Variants in FRMD6 observed in about 807,000 individuals in gnomAD.
FRMD6 encodes FERM domain containing 6.
FRMD6 carries 37 observed loss-of-function variants against 73.2 expected under a neutral mutation model. The observed-to-expected ratio is 0.51, with a 90% confidence interval of 0.39 to 0.66. The LOEUF (loss-of-function observed/expected upper bound fraction) is 0.66, where lower values mean the gene tolerates loss of function less well. Ranked by LOEUF, FRMD6 falls within the 30% of genes least tolerant of loss-of-function variation. The pLI, the probability that FRMD6 is intolerant of heterozygous loss-of-function variation, is 0.00. For synonymous variants in FRMD6, 273 were observed against 282.2 expected (o/e 0.97, Z 0.33); for missense variants, 714 against 780.5 (o/e 0.91, Z 1.02).
At chr14:51,707,449 A>G (rs1270593743) in intron 6 of FRMD6, among the ~76,000 whole-genome samples, 3 of 152,172 alleles carry the variant, frequency 2.0e-5, no homozygotes, top group Non-Finnish European at 4.4e-5. Flanking sequence ...TGGATACTAT[A>G]TATTTGACAT....
chr14:51,434,255 T>A, the FRMD6 span, among the ~76,000 whole-genome samples: 1 of 152,156 alleles, frequency 6.6e-6, no homozygotes, highest in Admixed American at 6.5e-5. Flanking sequence ...CTATACCTCA[T>A]GACATCCCAG....
At chr14:51,603,124 G>T (rs1890104728) in intron 2 of FRMD6, among the ~76,000 whole-genome samples, 1 of 152,164 alleles carries the variant, frequency 6.6e-6, no homozygotes, top group African/African-American at 2.4e-5. Flanking sequence ...ACCACATGTG[G>T]ATACAGCAAG....
the FRMD6 span, among the ~76,000 whole-genome samples, chr14:51,440,877 A>G: frequency 6.6e-6 from 1 of 152,256 alleles, no homozygotes; most frequent in Non-Finnish European, 1.5e-5. Flanking sequence ...CATTAAGGCT[A>G]AGAAAAGTTA....
chr14:51,506,990 T>C (rs1884000975), intron 1 of FRMD6, among the ~76,000 whole-genome samples: 2 of 152,140 alleles, frequency 1.3e-5, no homozygotes, highest in South Asian at 4.1e-4. Flanking sequence ...GGAATGTGTA[T>C]TATAATGTTA....
chr14:51,464,375 C>T, the FRMD6 span, among the ~76,000 whole-genome samples: 2 of 149,134 alleles, frequency 1.3e-5, no homozygotes, highest in African/African-American at 2.5e-5. Flanking sequence ...GCACAGGTAC[C>T]CCTGAACTTA....
intron 1 of FRMD6, among the ~76,000 whole-genome samples, chr14:51,557,222 C>T (rs1887182580): frequency 6.7e-6 from 1 of 149,928 alleles, no homozygotes; most frequent in Admixed American, 6.7e-5. Context: ...CCTAGGTGTC[C>T]ATCAATGGAT....
chr14:51,648,479 T>C (rs1594651881), upstream of FRMD6, among the ~76,000 whole-genome samples: 1 of 152,232 alleles, frequency 6.6e-6, no homozygotes, highest in Non-Finnish European at 1.5e-5. Flanking sequence ...ATTATATGCC[T>C]GAGACACAGG....
At chr14:51,443,057 A>T in the FRMD6 span, among the ~76,000 whole-genome samples, 41 of 152,164 alleles carry the variant, frequency 2.7e-4, no homozygotes, top group African/African-American at 9.6e-4. Flanking sequence ...ATGGGGAAAA[A>T]CCCTGCAGGA....
the FRMD6 span, among the ~76,000 whole-genome samples, chr14:51,412,197 T>C: frequency 1.3e-5 from 2 of 152,204 alleles, no homozygotes; most frequent in Non-Finnish European, 2.9e-5. Context: ...TTTAAATATA[T>C]ATTTTTGATA....
intron 7 of FRMD6, 199 bp downstream of exon 7, chr14:51,708,432 C>A (rs527733588): frequency 2.3e-5 from 12 of 514,378 alleles, no homozygotes; most frequent in African/African-American, 1.5e-4. Context: ...GGCCTGGAAG[C>A]GGGGTGGAGT....
At chr14:51,456,204 A>C in the FRMD6 span, among the ~76,000 whole-genome samples, 1 of 152,054 alleles carries the variant, frequency 6.6e-6, no homozygotes, top group African/African-American at 2.4e-5. Context: ...CAGAACTTGC[A>C]ACATTGTTAC....
At chr14:51,618,679 G>A (rs12147618) in intron 2 of FRMD6, among the ~76,000 whole-genome samples, 5,292 of 152,196 alleles carry the variant, frequency 0.035, 105 homozygotes, top group African/African-American at 0.051. Flanking sequence ...CCAGCCTCAG[G>A]GGTTGGGTAG....
At chr14:51,401,909 G>C in the FRMD6 span, among the ~76,000 whole-genome samples, 1 of 152,318 alleles carries the variant, frequency 6.6e-6, no homozygotes, top group East Asian at 1.9e-4. Context: ...AGGCCGTGGA[G>C]GGAGTGCTGA....
Position 51,715,031 on chromosome 14 carries a change from G to A in FRMD6, c.850-294G>A, listed in dbSNP as rs551110142. On this transcript the variant is annotated intron_variant, in intron 9 of 13. Transcript: ENST00000344768. The stretch of plus-strand genomic sequence containing the variant: ...CTTTTATGATGGACCCTTCTCTTCT[G>A]CATTATACAAATAACCTGACCAGCC... The A allele has an allele frequency of 4.3e-5, 9 of 210,592 alleles. No homozygotes were observed. In the East Asian group the frequency reaches 8.5e-4, roughly 20 times the overall value. 13.0% of individuals were successfully genotyped at this position (210,592 alleles called of 1,614,324 possible). A position where few individuals can be genotyped will look rare whatever the true frequency, so the allele number is the denominator to read the frequency against.
intron 2 of FRMD6, among the ~76,000 whole-genome samples, chr14:51,578,018 A>G (rs758454954): frequency 6.6e-6 from 1 of 152,094 alleles, no homozygotes; most frequent in Non-Finnish European, 1.5e-5. Context: ...AAACACTCCT[A>G]ATAGCTCCTG....
chr14:51,459,024 A>T, the FRMD6 span, among the ~76,000 whole-genome samples: 3 of 152,216 alleles, frequency 2.0e-5, no homozygotes, highest in African/African-American at 7.2e-5. Flanking sequence ...ATCTGTCAGA[A>T]GCGTACGGAG....
chr14:51,708,221 CAGATTGTAT>C lies in FRMD6; in HGVS notation c.704_712del (p.Arg235_Tyr237del). The C allele has an allele frequency of 1.2e-6, 2 of 1,612,874 alleles. No homozygotes were observed. The highest frequency in any genetic ancestry group is 1.7e-6 in the Non-Finnish European group (2 of 1,179,258). ...TGGATGACGTCGCTGTTCATTACTA[CAGATTGTAT>C]AAGGTATGAAACGGCAACTAAGTCT... is the stretch of plus-strand genomic sequence containing the variant. On this transcript the variant is annotated inframe_deletion, in exon 7 of 14. Transcript: ENST00000344768.
chr14:51,578,317 A>G (rs1289233454), intron 2 of FRMD6, among the ~76,000 whole-genome samples: 2 of 152,244 alleles, frequency 1.3e-5, no homozygotes, highest in Non-Finnish European at 2.9e-5. Context: ...AAGTAAGTGA[A>G]AAATAAGTGG....
At chr14:51,702,725 CT>C in intron 5 of FRMD6, 137 bp downstream of exon 5, 2 of 653,704 alleles carry the variant, frequency 3.1e-6, no homozygotes, top group Non-Finnish European at 5.2e-6. Flanking sequence ...CAATTTTTTT[CT>C]TTTTAATATT....
Sources: gnomAD v4.1 joint callset for allele counts (sites outside exome capture counted in the v4.1 genomes callset) on GRCh38, gnomAD v4.1.1 for gene constraint, MANE v1.5 for transcripts, NCBI Gene and HGNC (gene_info 2026-07-23, HGNC 2026-07-21) for gene names.